NEGR1: variants seen among roughly 807,000 people sequenced by gnomAD.
The protein encoded by NEGR1 is IgLON family member 4.
A neutral mutation model predicts 40.9 loss-of-function variants in NEGR1; 10 were observed. The observed-to-expected ratio is 0.24, with a 90% CI of 0.15 to 0.42. The LOEUF is 0.42. NEGR1 is among the 10% of genes least tolerant of loss of function. The probability of loss-of-function intolerance (pLI) is 1.00; values close to 1 mark genes in which losing one functional copy is unlikely to be tolerated. For synonymous variants in NEGR1, 185 were observed against 166.8 expected (o/e 1.11, Z -0.84); for missense variants, 352 against 438.9 (o/e 0.80, Z 1.77).
chr1:71,541,941 G>T (rs548327614), intron 6 of NEGR1, among the ~76,000 whole-genome samples: 1 of 151,884 alleles, frequency 6.6e-6, no homozygotes, highest in East Asian at 2.0e-4. Flanking sequence ...ATGCACCTTT[G>T]AGTGTATTCC....
At chr1:71,500,982 C>G (rs551003180) in intron 6 of NEGR1, among the ~76,000 whole-genome samples, 6 of 152,030 alleles carry the variant, frequency 3.9e-5, no homozygotes, top group African/African-American at 1.2e-4. Context: ...AGAGAGCCAA[C>G]TGTATGTTTA....
At chr1:71,979,769 T>A (rs1266819287) in intron 1 of NEGR1, among the ~76,000 whole-genome samples, 2 of 152,042 alleles carry the variant, frequency 1.3e-5, no homozygotes, top group Non-Finnish European at 2.9e-5. Flanking sequence ...CACTGAAATG[T>A]ACAAGGGCTA....
At chr1:71,609,610 A>G (rs1174314078) in intron 5 of NEGR1, among the ~76,000 whole-genome samples, 2 of 150,190 alleles carry the variant, frequency 1.3e-5, no homozygotes, top group African/African-American at 4.9e-5. Flanking sequence ...TGATGTTAAA[A>G]AGGGATATTG....
intron 1 of NEGR1, among the ~76,000 whole-genome samples, chr1:72,175,208 T>G (rs1652123830): frequency 6.6e-6 from 1 of 152,122 alleles, no homozygotes; most frequent in African/African-American, 2.4e-5. Flanking sequence ...AAAGTTCTTT[T>G]AAATATAACA....
chr1:71,706,807 C>T (rs940254901), intron 3 of NEGR1, among the ~76,000 whole-genome samples: 12 of 151,878 alleles, frequency 7.9e-5, no homozygotes, highest in African/African-American at 2.9e-4. Flanking sequence ...TCATCACCTG[C>T]TAACTAAGGA....
chr1:72,016,481 C>T (rs1382666054), intron 1 of NEGR1, among the ~76,000 whole-genome samples: 1 of 152,116 alleles, frequency 6.6e-6, no homozygotes, highest in African/African-American at 2.4e-5. Context: ...ATTAAAAGGA[C>T]CAGACAACCA....
Position 71,440,920 on chromosome 1 carries a change from C to A in NEGR1, c.941-33350G>T, listed in dbSNP as rs940437385. On this transcript the variant is annotated intron_variant, in intron 6 of 6. Coordinates refer to ENST00000357731, the MANE Select transcript of NEGR1 (RefSeq NM_173808.3). ...AGAAAGATTTTGAATATTAATGCTT[C>A]CAAATGATCAGACCCATGAAAATTT... Among the ~76,000 whole-genome samples, 6 of 152,246 alleles carry A rather than the reference C, an allele frequency of 3.9e-5. No individual in the cohort carries two copies. In the South Asian group the frequency reaches 1.2e-3, roughly 32 times the overall value.
At chr1:71,624,017 T>A (rs1255026599) in intron 4 of NEGR1, among the ~76,000 whole-genome samples, 1 of 152,024 alleles carries the variant, frequency 6.6e-6, no homozygotes, top group Non-Finnish European at 1.5e-5. Flanking sequence ...CAGGAATACA[T>A]ACACATTTTG....
chr1:71,468,875 A>G (rs1557536880), intron 6 of NEGR1: 1 of 152,072 alleles, frequency 6.6e-6, no homozygotes, highest in Non-Finnish European at 1.5e-5. Context: ...ATAGAAGAGC[A>G]TTTTGCTTGA....
intron 6 of NEGR1, among the ~76,000 whole-genome samples, chr1:71,427,382 GT>G (rs1285671246): frequency 6.6e-6 from 1 of 152,102 alleles, no homozygotes; most frequent in Non-Finnish European, 1.5e-5. Context: ...TAAATTCACT[GT>G]TATTGTGGGT....
chr1:71,883,880 G>A lies in NEGR1; in HGVS notation c.409+51199C>T, dbSNP rs1160663604. 2.6e-5 allele frequency among the ~76,000 whole-genome samples: 4 copies of A among 151,934 alleles called. No individual in the cohort carries two copies. The South Asian group carries it at 8.3e-4, about 32-fold the overall frequency. ...CTTAAAGTTAATATTGACTCAGCTT[G>A]AAAACCATTCAAAACACCAATTGTC... is the stretch of plus-strand genomic sequence containing the variant. On this transcript the variant is annotated intron_variant, in intron 2 of 6. Coordinates refer to ENST00000357731, the MANE Select transcript of NEGR1 (RefSeq NM_173808.3).
At chr1:72,248,575 T>TTTTTTA (rs376504975) in intron 1 of NEGR1, among the ~76,000 whole-genome samples, 20 of 132,944 alleles carry the variant, frequency 1.5e-4, no homozygotes, top group Non-Finnish European at 2.5e-4. Flanking sequence ...TCTATTTTTA[T>TTTTTTA]TTATTATTAT....
At chr1:71,937,156 C>T (rs1645913597) in intron 1 of NEGR1, among the ~76,000 whole-genome samples, 1 of 152,120 alleles carries the variant, frequency 6.6e-6, no homozygotes, top group African/African-American at 2.4e-5. Flanking sequence ...AATTTGCAGT[C>T]AGCTTTGCCA....
chr1:71,879,603 T>G (rs1660526967), intron 2 of NEGR1, among the ~76,000 whole-genome samples: 1 of 152,142 alleles, frequency 6.6e-6, no homozygotes, highest in African/African-American at 2.4e-5. Flanking sequence ...TGTTAAGACC[T>G]CTAAACATGC....
rs756275657 is a variant in NEGR1 at position 71,406,283 on chromosome 1, C to T, written c.*1163G>A. 2.6e-5 allele frequency: 4 copies of T among 151,862 alleles called. No homozygotes were observed. Among genetic ancestry groups the T allele is most frequent in the Non-Finnish European group, 5.9e-5 (4 of 67,878 alleles). The allele number at this position is 151,862 out of a possible 1,614,324, so 9.4% of individuals were successfully genotyped here. A position where few individuals can be genotyped will look rare whatever the true frequency, so the allele number is the denominator to read the frequency against. On this transcript the variant is annotated 3_prime_UTR_variant, in exon 7 of 7. Transcript: ENST00000357731. Reference sequence around the variant, plus strand: ...TATAACATGCATTCCAGACTATCAACTGAGTGATACTTTCAGATGGAAAAT... The same window carrying T: ...TATAACATGCATTCCAGACTATCAATTGAGTGATACTTTCAGATGGAAAAT...
intron 2 of NEGR1, among the ~76,000 whole-genome samples, chr1:71,848,304 C>T (rs1213797290): frequency 1.3e-5 from 2 of 152,070 alleles, no homozygotes; most frequent in Admixed American, 6.6e-5. Context: ...ACCAAACAAC[C>T]GATATTAAAT....
At chr1:72,011,662 C>T (rs1646658538) in intron 1 of NEGR1, among the ~76,000 whole-genome samples, 1 of 152,104 alleles carries the variant, frequency 6.6e-6, no homozygotes, top group African/African-American at 2.4e-5. Context: ...AGCATGTTCA[C>T]TTCAAGTAAC....
intron 6 of NEGR1, among the ~76,000 whole-genome samples, chr1:71,566,099 C>T (rs1490100053): frequency 6.6e-6 from 1 of 151,958 alleles, no homozygotes; most frequent in African/African-American, 2.4e-5. Flanking sequence ...CCGAAGGAAA[C>T]AACCCTGCCA....
chr1:71,696,327 G>A (rs1653472683), intron 4 of NEGR1, among the ~76,000 whole-genome samples: 1 of 151,678 alleles, frequency 6.6e-6, no homozygotes, highest in Non-Finnish European at 1.5e-5. Context: ...AAACAATTGT[G>A]GCTTGTATAT....
Sources: gnomAD v4.1 joint callset for allele counts (sites outside exome capture counted in the v4.1 genomes callset) on GRCh38, gnomAD v4.1.1 for gene constraint, MANE v1.5 for transcripts, NCBI Gene and HGNC (gene_info 2026-07-23, HGNC 2026-07-21) for gene names.